Variants in KPNA4 observed in about 807,000 individuals in gnomAD.
The protein encoded by KPNA4 is importin subunit alpha-3.
Under a neutral mutation model 71.3 loss-of-function variants are expected in KPNA4, and 13 were observed. The observed-to-expected ratio is 0.18, with a 90% CI of 0.12 to 0.29. The LOEUF (loss-of-function observed/expected upper bound fraction) is 0.29, where lower values mean the gene tolerates loss of function less well. KPNA4 is among the 10% of genes least tolerant of loss of function. The probability of loss-of-function intolerance (pLI) is 1.00; values close to 1 mark genes in which losing one functional copy is unlikely to be tolerated. For missense variants in KPNA4, 334 were observed against 603.2 expected, an observed-to-expected ratio of 0.55 and a Z score of 4.67; for synonymous variants, 189 against 195.2, an observed-to-expected ratio of 0.97 and a Z score of 0.26.
chr3:160,516,904 T>C (rs1280844928), intron 11 of KPNA4, among the ~76,000 whole-genome samples: 1 of 152,096 alleles, frequency 6.6e-6, no homozygotes, highest in Non-Finnish European at 1.5e-5. Flanking sequence ...TCCTGTTAAG[T>C]AAAGCTTTTT....
At chr3:160,531,618 A>G (rs1721576460) in intron 5 of KPNA4, 61 bp from the exon 6 acceptor site, 3 of 818,552 alleles carry the variant, frequency 3.7e-6, no homozygotes, top group Non-Finnish European at 5.6e-6. Flanking sequence ...GATTAAATAT[A>G]AATTCATATT....
intron 10 of KPNA4, among the ~76,000 whole-genome samples, chr3:160,525,536 C>A (rs1721441291): frequency 6.6e-6 from 1 of 152,124 alleles, no homozygotes; most frequent in African/African-American, 2.4e-5. Flanking sequence ...AATATATACA[C>A]ATACATACAA....
chr3:160,516,918 C>T (rs1721238610), intron 11 of KPNA4, among the ~76,000 whole-genome samples: 1 of 151,898 alleles, frequency 6.6e-6, no homozygotes, highest in African/African-American at 2.4e-5. Flanking sequence ...GCTTTTTACT[C>T]CTCTAATTTT....
Position 160,565,325 on chromosome 3 carries a change from T to G in KPNA4, c.-43A>C. On this transcript the variant is annotated 5_prime_UTR_variant, in exon 1 of 17. Coordinates refer to ENST00000334256, the MANE Select transcript of KPNA4 (RefSeq NM_002268.5). The stretch of plus-strand genomic sequence containing the variant: ...CTTCCCCCGCCCGGGCCCCGCGGGA[T>G]CCGCCCCAACCAACGCGCCGCACCG... 6.6e-7 allele frequency: 1 copy of G among 1,513,234 alleles called. No individual in the cohort carries two copies. Among genetic ancestry groups the G allele is most frequent in the Non-Finnish European group, 9.0e-7 (1 of 1,111,642 alleles). The allele number at this position is 1,513,234 out of a possible 1,614,324, so 93.7% of individuals were successfully genotyped here.
intron 1 of KPNA4, among the ~76,000 whole-genome samples, chr3:160,554,867 G>T (rs570829443): frequency 5.1e-4 from 78 of 152,304 alleles, no homozygotes; most frequent in African/African-American, 1.8e-3. Context: ...TGTATCCTTT[G>T]TAATATAGTT....
chr3:160,542,175 C>A (rs1431120112), intron 1 of KPNA4, among the ~76,000 whole-genome samples: 1 of 152,098 alleles, frequency 6.6e-6, no homozygotes, highest in East Asian at 1.9e-4. Flanking sequence ...GGAGACAAAT[C>A]AATCACATAA....
Position 160,535,704 on chromosome 3 carries a change from T to C in KPNA4, c.205-14A>G. On this transcript the variant is annotated splice_polypyrimidine_tract_variant and intron_variant, in intron 3 of 16. Coordinates refer to ENST00000334256, the MANE Select transcript of KPNA4 (RefSeq NM_002268.5). ...AGAGGTATTTTGCTGGGAAAAAAGT[T>C]AAAGAGAAAACTCAGTTAAAAAGTC... The C allele has an allele frequency of 6.4e-7, 1 of 1,573,550 alleles. No individual in the cohort carries two copies. Among genetic ancestry groups the C allele is most frequent in the Non-Finnish European group, 8.5e-7 (1 of 1,169,822 alleles).
intron 1 of KPNA4, among the ~76,000 whole-genome samples, chr3:160,560,999 G>T (rs555023972): frequency 1.3e-5 from 2 of 151,694 alleles, no homozygotes; most frequent in South Asian, 4.1e-4. Flanking sequence ...AATCACTGAG[G>T]CTCTTTCAAA....
intron 10 of KPNA4, among the ~76,000 whole-genome samples, chr3:160,525,094 C>T (rs1721433350): frequency 6.6e-6 from 1 of 152,190 alleles, no homozygotes; most frequent in African/African-American, 2.4e-5. Context: ...CAGTTTTCCA[C>T]CTCATTCATA....
Position 160,521,950 on chromosome 3 carries a change from T to C in KPNA4, c.772-40A>G, listed in dbSNP as rs761473039. The C allele has an allele frequency of 4.1e-5, 64 of 1,551,092 alleles. 1 individual carries two copies. In the Middle Eastern group the frequency reaches 1.8e-3, roughly 44 times the overall value. ...AAAAATTCAAACAACTTTTAAATATTTTCTCATTTTAGTAATTCTTGACCA... is the reference window on the plus strand; with the variant it reads ...AAAAATTCAAACAACTTTTAAATATCTTCTCATTTTAGTAATTCTTGACCA... On this transcript the variant is annotated intron_variant, in intron 10 of 16. Coordinates refer to ENST00000334256, the MANE Select transcript of KPNA4 (RefSeq NM_002268.5).
At chr3:160,519,511 G>A (rs1721298633) in intron 11 of KPNA4, among the ~76,000 whole-genome samples, 1 of 152,066 alleles carries the variant, frequency 6.6e-6, no homozygotes, top group Non-Finnish European at 1.5e-5. Context: ...AAAAAAATAG[G>A]CGGCCGGGCG....
chr3:160,535,854 T>C lies in KPNA4; in HGVS notation c.158A>G (p.His53Arg). The change falls in exon 3 of 17, where the codon CAT becomes CGT. Residue 53 changes from histidine to arginine, a missense_variant. Coordinates refer to ENST00000334256, the MANE Select transcript of KPNA4 (RefSeq NM_002268.5). The stretch of plus-strand genomic sequence containing the variant: ...ATCAGAGTCTTCACAGATATCTTCA[T>C]GTGGTACATTCCTTCTCTTTAAGAG... ...EHLLKRRNVPHEDICEDSDID... is the reference protein window; with the variant it reads ...EHLLKRRNVPREDICEDSDID... The C allele has an allele frequency of 7.2e-7, 1 of 1,385,296 alleles. No homozygotes were observed. The highest frequency in any genetic ancestry group is 9.4e-7 in the Non-Finnish European group (1 of 1,067,030). 85.8% of individuals were successfully genotyped at this position (1,385,296 alleles called of 1,614,324 possible). A position where few individuals can be genotyped will look rare whatever the true frequency, so the allele number is the denominator to read the frequency against.
intron 10 of KPNA4, among the ~76,000 whole-genome samples, chr3:160,524,782 C>A (rs1721428508): frequency 6.6e-6 from 1 of 152,192 alleles, no homozygotes; most frequent in South Asian, 2.1e-4. Context: ...AACAAAAACT[C>A]TACCACAGAG....
At chr3:160,561,648 G>C (rs767440952) in intron 1 of KPNA4, among the ~76,000 whole-genome samples, 1 of 152,012 alleles carries the variant, frequency 6.6e-6, no homozygotes, top group Non-Finnish European at 1.5e-5. Context: ...CTAACACTCA[G>C]AAATTACAAC....
At chr3:160,524,710 A>G (rs925508916) in intron 10 of KPNA4, among the ~76,000 whole-genome samples, 2 of 152,200 alleles carry the variant, frequency 1.3e-5, no homozygotes, top group Non-Finnish European at 2.9e-5. Flanking sequence ...GCTATTAAGG[A>G]GCCAAAACCA....
At chr3:160,505,099 A>C (rs2108542571) in intron 15 of KPNA4, 47 bp from the exon 16 acceptor site, 1 of 994,334 alleles carries the variant, frequency 1.0e-6, no homozygotes, top group Non-Finnish European at 1.5e-6. Flanking sequence ...TTTAAAGAGC[A>C]GTGACAAGTT....
chr3:160,563,451 T>C (rs1189626345), intron 1 of KPNA4, among the ~76,000 whole-genome samples: 2 of 152,206 alleles, frequency 1.3e-5, no homozygotes, highest in African/African-American at 4.8e-5. Flanking sequence ...TAAGATGGAC[T>C]GTGGTGATGG....
chr3:160,524,592 C>T (rs1411411526), intron 10 of KPNA4, among the ~76,000 whole-genome samples: 4 of 152,154 alleles, frequency 2.6e-5, no homozygotes, highest in Non-Finnish European at 5.9e-5. Flanking sequence ...GATCCTCCTG[C>T]CTCAGCCTCC....
intron 1 of KPNA4, among the ~76,000 whole-genome samples, chr3:160,542,366 C>T (rs533158620): frequency 6.6e-6 from 1 of 152,322 alleles, no homozygotes; most frequent in South Asian, 2.1e-4. Context: ...ATTTCTCTCT[C>T]TCTGCAGCAG....
Sources: allele counts gnomAD v4.1 joint callset (sites outside exome capture counted in the v4.1 genomes callset), GRCh38; gene constraint gnomAD v4.1.1; transcripts MANE v1.5; gene names NCBI Gene and HGNC (gene_info 2026-07-23, HGNC 2026-07-21).